The following MGA variants were observed in gnomAD, a reference collection of about 807,000 sequenced individuals.
The protein encoded by MGA is MAX dimerization protein MGA.
A neutral mutation model predicts 261.1 loss-of-function variants in MGA; 40 were observed. That is an observed-to-expected ratio of 0.15 (90% CI 0.12 to 0.20). MGA has a LOEUF of 0.20. MGA is among the 10% of genes least tolerant of loss of function. The pLI is 1.00. For synonymous variants in MGA, 1,302 were observed against 1,290.6 expected (o/e 1.01, Z -0.19); for missense variants, 3,397 against 3,630.5 (o/e 0.94, Z 1.65).
intron 2 of MGA, among the ~76,000 whole-genome samples, chr15:41,671,093 G>A (rs2058034728): frequency 6.6e-6 from 1 of 152,108 alleles, no homozygotes; most frequent in Admixed American, 6.5e-5. Flanking sequence ...GGTATCTGGG[G>A]AGGGTCCTGG....
At chr15:41,659,767 A>T (rs1244777125), upstream of MGA, among the ~76,000 whole-genome samples, 1 of 152,248 alleles carries the variant, frequency 6.6e-6, no homozygotes, top group Non-Finnish European at 1.5e-5. Flanking sequence ...TTATCAAGAT[A>T]TCTTTCATCT....
intron 9 of MGA, among the ~76,000 whole-genome samples, chr15:41,715,137 C>CTTTTTTTTTTTTTTTTTTTTTTTTTT (rs766195852): frequency 8.0e-6 from 1 of 124,556 alleles, no homozygotes; most frequent in African/African-American, 3.0e-5. Context: ...TGGTTTCTGT[C>CTTTTTTTTTTTTTTTTTTTTTTTTTT]TTTTTTTTTT....
At chr15:41,669,982 T>C (rs2057954419) in intron 2 of MGA, 24 bp downstream of exon 2, 1 of 1,570,312 alleles carries the variant, frequency 6.4e-7, no homozygotes, top group Non-Finnish European at 8.7e-7. Context: ...TTTCTGTTCT[T>C]AGAAATAAAA....
intron 9 of MGA, among the ~76,000 whole-genome samples, chr15:41,715,622 T>C (rs1176091848): frequency 1.3e-5 from 2 of 152,182 alleles, no homozygotes; most frequent in Non-Finnish European, 2.9e-5. Context: ...TTGAGAAATA[T>C]ACTTTTCCTA....
chr15:41,736,438 T>C lies in MGA; in HGVS notation c.4174T>C (p.Ser1392Pro). ...GGGTGAGAAGAACCCTCCTGTTTAT[T>C]CTTCTCGTGTGAAAATCTCTATGCC... Residue 1392 changes from serine (S) to proline (P), a missense_variant, in exon 13 of 24, where the codon TCT (serine) becomes CCT (proline). By Grantham distance (74) the Ser-to-Pro change is moderately conservative. Coordinates refer to ENST00000219905, the MANE Select transcript of MGA (RefSeq NM_001164273.2). 1.2e-6 allele frequency: 2 copies of C among 1,614,048 alleles called. No homozygotes were observed. The highest frequency in any genetic ancestry group is 1.7e-6 in the Non-Finnish European group (2 of 1,179,890).
At chr15:41,748,993 A>G in intron 16 of MGA, 66 bp downstream of exon 16, 1 of 1,557,408 alleles carries the variant, frequency 6.4e-7, no homozygotes, top group Non-Finnish European at 8.7e-7. Context: ...ATGTTAATAC[A>G]CCAAGATTGT....
upstream of MGA, among the ~76,000 whole-genome samples, chr15:41,655,668 A>G (rs948939651): frequency 5.3e-5 from 8 of 152,206 alleles, no homozygotes; most frequent in African/African-American, 1.2e-4. Flanking sequence ...TATCCAGTCA[A>G]TGGGCAGTCA....
chr15:41,717,748 G>A (rs1315660150), intron 9 of MGA, among the ~76,000 whole-genome samples: 1 of 152,120 alleles, frequency 6.6e-6, no homozygotes, highest in Non-Finnish European at 1.5e-5. Context: ...TATGAAACCA[G>A]CATTACCCTG....
rs528095410 is a variant in MGA, at chr15:41,749,379, T to C, written c.5772T>C (p.Tyr1924=). The C allele has an allele frequency of 1.3e-4, 206 of 1,613,990 alleles. 5 individuals carry two copies. In the South Asian group the frequency reaches 1.9e-3, roughly 15 times the overall value. The change falls in exon 17 of 24, where the codon TAT becomes TAC. Residue 1924 remains tyrosine, a synonymous_variant. Transcript: ENST00000219905. ...CAGGCTCTGAAACCAAAATAACTTA[T>C]AGCTCAGGAGGACAGCCTGTTGGTA...
At chr15:41,685,546 A>G (rs1300164795) in intron 2 of MGA, among the ~76,000 whole-genome samples, 2 of 152,188 alleles carry the variant, frequency 1.3e-5, no homozygotes, top group African/African-American at 4.8e-5. Context: ...TGATATCTTG[A>G]CATCATTGAA....
chr15:41,707,927 T>C, intron 6 of MGA, 68 bp downstream of exon 6: 1 of 1,535,324 alleles, frequency 6.5e-7, no homozygotes, highest in Non-Finnish European at 8.8e-7. Context: ...GTAACGTAAG[T>C]AAAAAGCTAC....
At position 41,636,014 on chromosome 15, in the gene MGA, A is replaced by G. The variant is rs551331235; in HGVS notation, c.-68+14716A>G. 2.0e-5 allele frequency among the ~76,000 whole-genome samples: 3 copies of G among 152,352 alleles called. No homozygotes were observed. In the East Asian group the frequency reaches 5.8e-4, roughly 29 times the overall value. On this transcript the variant is annotated intron_variant, in intron 1 of 8. Coordinates refer to the MGA transcript ENST00000566718. The stretch of plus-strand genomic sequence containing the variant: ...ACTAGATGATACTGCAATAACATAC[A>G]GTACATAATATATAGTGGATATACA...
chr15:41,669,769 T>C lies in MGA; in HGVS notation c.875T>C (p.Val292Ala), dbSNP rs1472162177. 1.2e-6 allele frequency: 2 copies of C among 1,613,794 alleles called. No homozygotes were observed. The highest frequency in any genetic ancestry group is 1.7e-6 in the Non-Finnish European group (2 of 1,179,864). ...ATTTCCAGTTCTTCTGGTCATCGGGTCCGTCTTACAGAAGGTCAGGGGTCA... is the reference window on the plus strand; with the variant it reads ...ATTTCCAGTTCTTCTGGTCATCGGGCCCGTCTTACAGAAGGTCAGGGGTCA... The change falls in exon 2 of 24, where the codon GTC becomes GCC. Residue 292 changes from valine to alanine, a missense_variant. Around this residue, in one of 9 missense-constraint regions of MGA, gnomAD observed 563 missense variants for 563.6 expected, o/e 1.00. Coordinates refer to ENST00000219905, the MANE Select transcript of MGA (RefSeq NM_001164273.2).
intron 1 of MGA, among the ~76,000 whole-genome samples, chr15:41,629,942 A>G (rs1403236319): frequency 1.3e-5 from 2 of 152,152 alleles, no homozygotes; most frequent in Admixed American, 1.3e-4. Flanking sequence ...AGATGATTAT[A>G]ATGTTACTAG....
At chr15:41,713,521 C>T in intron 9 of MGA, 25 bp downstream of exon 9, 1 of 1,503,618 alleles carries the variant, frequency 6.7e-7, no homozygotes, top group Non-Finnish European at 8.8e-7. Context: ...AGAGTTAAAA[C>T]TGTGCCATAT....
chr15:41,623,773 A>ATTTT (rs1419584634), intron 1 of MGA, among the ~76,000 whole-genome samples: 1 of 104,686 alleles, frequency 9.6e-6, no homozygotes, highest in African/African-American at 3.0e-5. Context: ...ATATATATAT[A>ATTTT]TATTTTTTTT....
At chr15:41,738,581 T>C (rs755899437) in intron 13 of MGA, among the ~76,000 whole-genome samples, 1 of 152,158 alleles carries the variant, frequency 6.6e-6, no homozygotes, top group Non-Finnish European at 1.5e-5. Flanking sequence ...CTGATACAAT[T>C]TCTAGTGAGA....
chr15:41,718,027 AAAATT>A (rs2060731156), intron 9 of MGA, among the ~76,000 whole-genome samples: 1 of 151,766 alleles, frequency 6.6e-6, no homozygotes, highest in Admixed American at 6.6e-5. Context: ...AAAAAAAAAA[AAAATT>A]AATGTTCTAA....
In MGA at chr15:41,696,089, G is replaced by A; in HGVS notation, c.1079G>A (p.Ser360Asn). The change falls in exon 3 of 24, where the codon AGT becomes AAT. Residue 360 changes from serine to asparagine, a missense_variant. Around this residue, in one of 9 missense-constraint regions of MGA, gnomAD observed 563 missense variants for 563.6 expected, o/e 1.00. Coordinates refer to ENST00000219905, the MANE Select transcript of MGA (RefSeq NM_001164273.2). ...TCTCTCTCCAGTCTTATTGCCAGCA[G>A]TTTTGAAGATGACTCCCGTGTAGCC... 1 of 1,608,194 alleles carries A rather than the reference G, an allele frequency of 6.2e-7. No homozygotes were observed.
Sources: gnomAD v4.1 joint callset for allele counts (sites outside exome capture counted in the v4.1 genomes callset) on GRCh38, gnomAD v4.1.1 for gene constraint, gnomAD v4.1.1 regional missense constraint, MANE v1.5 for transcripts, NCBI Gene and HGNC (gene_info 2026-07-23, HGNC 2026-07-21) for gene names.